Variants in ZNF346 observed in about 807,000 individuals in gnomAD.
ZNF346 encodes double-stranded RNA-binding zinc finger protein JAZ.
A neutral mutation model predicts 33.7 loss-of-function variants in ZNF346; 23 were observed. The ratio of observed to expected loss-of-function variants is 0.68; its 90% CI spans 0.49 to 0.97. The LOEUF (loss-of-function observed/expected upper bound fraction) is 0.97. ZNF346 is among the 50% of genes least tolerant of loss of function. ZNF346 has a pLI of 0.00. For missense variants in ZNF346, 340 were observed against 371.1 expected (o/e 0.92, Z 0.69); for synonymous variants, 134 against 142.4 (o/e 0.94, Z 0.42).
chr5:177,024,300 A>G (rs886760097), intron 1 of ZNF346, among the ~76,000 whole-genome samples: 1 of 147,220 alleles, frequency 6.8e-6, no homozygotes, highest in South Asian at 2.1e-4. Context: ...GGTTCAAGCA[A>G]TTCTATACTG....
downstream of ZNF346, among the ~76,000 whole-genome samples, chr5:177,071,968 G>T (rs1256633932): frequency 3.9e-5 from 6 of 152,118 alleles, no homozygotes; most frequent in Non-Finnish European, 7.3e-5. Context: ...ATATCAGAAC[G>T]CAGTTCTGTA....
intron 1 of ZNF346, among the ~76,000 whole-genome samples, chr5:177,040,071 C>T (rs1665011511): frequency 1.3e-5 from 2 of 151,754 alleles, no homozygotes; most frequent in Admixed American, 6.6e-5. Flanking sequence ...ATCCCAACTA[C>T]TCGGGAGGCT....
At chr5:177,060,261 G>A (rs758534864) in intron 5 of ZNF346, among the ~76,000 whole-genome samples, 1 of 152,206 alleles carries the variant, frequency 6.6e-6, no homozygotes. Context: ...GGCGGCTCAC[G>A]CCTATAATCC....
chr5:177,054,391 A>ATTTT (rs1562015799), intron 5 of ZNF346, among the ~76,000 whole-genome samples: 13 of 150,100 alleles, frequency 8.7e-5, no homozygotes, highest in African/African-American at 2.9e-4. Flanking sequence ...TTATTTATTT[A>ATTTT]TTTATTTTTT....
At chr5:177,045,518 C>T (rs1247892758) in intron 4 of ZNF346, among the ~76,000 whole-genome samples, 1 of 152,008 alleles carries the variant, frequency 6.6e-6, no homozygotes, top group East Asian at 1.9e-4. Flanking sequence ...CCATGCCCAG[C>T]TAATTTTTTT....
intron 1 of ZNF346, among the ~76,000 whole-genome samples, chr5:177,032,970 G>A (rs1345942260): frequency 6.6e-6 from 1 of 152,194 alleles, no homozygotes; most frequent in Non-Finnish European, 1.5e-5. Context: ...TAATAGGACC[G>A]TCTTGTTCAT....
intron 4 of ZNF346, among the ~76,000 whole-genome samples, chr5:177,047,134 C>T (rs559075056): frequency 3.8e-4 from 58 of 151,558 alleles, no homozygotes; most frequent in Admixed American, 5.9e-4. Flanking sequence ...CTGCAACCTC[C>T]GCCTCCTGGG....
intron 1 of ZNF346, among the ~76,000 whole-genome samples, chr5:177,038,847 C>CT (rs1244159355): frequency 6.7e-6 from 1 of 149,954 alleles, no homozygotes; most frequent in Non-Finnish European, 1.5e-5. Context: ...CTCTGACCCT[C>CT]TTTTTTTTCT....
At chr5:177,044,664 A>T (rs1314829957) in intron 4 of ZNF346, 131 bp downstream of exon 4, 1 of 961,048 alleles carries the variant, frequency 1.0e-6, no homozygotes, top group Non-Finnish European at 1.6e-6. Flanking sequence ...GAACCCTTAA[A>T]AATCTCCAAG....
chr5:177,046,717 A>C (rs2149650811), intron 4 of ZNF346, among the ~76,000 whole-genome samples: 2 of 152,320 alleles, frequency 1.3e-5, no homozygotes, highest in East Asian at 3.9e-4. Flanking sequence ...TGTTTCTCCT[A>C]TAATCTTATT....
intron 5 of ZNF346, among the ~76,000 whole-genome samples, chr5:177,061,545 C>T (rs1004456887): frequency 4.6e-5 from 7 of 152,234 alleles, no homozygotes; most frequent in African/African-American, 1.4e-4. Flanking sequence ...TCCTCCCTCA[C>T]TACCAGACCA....
At chr5:177,026,513 C>G (rs946463191) in intron 1 of ZNF346, among the ~76,000 whole-genome samples, 1 of 151,778 alleles carries the variant, frequency 6.6e-6, no homozygotes, top group Non-Finnish European at 1.5e-5. Context: ...GAGGGTGCTA[C>G]CACACCCAGC....
chr5:177,064,290 GTA>G (rs1375237743), intron 6 of ZNF346, among the ~76,000 whole-genome samples: 1 of 152,190 alleles, frequency 6.6e-6, no homozygotes, highest in Non-Finnish European at 1.5e-5. Context: ...TAGTTTCCTT[GTA>G]TGTAAAATGA....
chr5:177,033,514 T>C (rs965105846), intron 1 of ZNF346, among the ~76,000 whole-genome samples: 2 of 152,112 alleles, frequency 1.3e-5, no homozygotes, highest in Non-Finnish European at 2.9e-5. Flanking sequence ...TGTTTTGTTT[T>C]GTTTTGTTTT....
chr5:177,060,377 C>T lies in ZNF346; in HGVS notation c.704-1681C>T, dbSNP rs996182121. ...CTCTACTAAAACTACAAAAATTAGC[C>T]GGGCGTGGTGGTGCACGCCTGTAAT... On this transcript the variant is annotated intron_variant, in intron 5 of 6. Transcript: ENST00000358149. Among the ~76,000 whole-genome samples the T allele has an allele frequency of 3.5e-4, 53 of 151,368 alleles. 1 individual carries two copies. Among genetic ancestry groups the T allele is most frequent in the African/African-American group, 1.1e-3 (47 of 41,212 alleles).
intron 5 of ZNF346, among the ~76,000 whole-genome samples, chr5:177,053,973 G>A (rs1237162119): frequency 6.6e-6 from 1 of 152,100 alleles, no homozygotes; most frequent in Non-Finnish European, 1.5e-5. Flanking sequence ...ACAAAGGGAT[G>A]ATTGACATCC....
chr5:177,062,916 G>A (rs1782715443), intron 6 of ZNF346, among the ~76,000 whole-genome samples: 1 of 152,200 alleles, frequency 6.6e-6, no homozygotes, highest in Admixed American at 6.5e-5. Flanking sequence ...CTGGCTCACA[G>A]CATGCTCTTC....
intron 1 of ZNF346, among the ~76,000 whole-genome samples, chr5:177,024,417 C>T (rs1000797726): frequency 1.3e-5 from 2 of 152,000 alleles, no homozygotes; most frequent in Admixed American, 6.6e-5. Flanking sequence ...AGGCTGTTCT[C>T]GAACTCCTGA....
At chr5:177,037,441 A>G (rs762365130) in intron 1 of ZNF346, among the ~76,000 whole-genome samples, 2 of 151,956 alleles carry the variant, frequency 1.3e-5, no homozygotes, top group Admixed American at 6.6e-5. Context: ...CTGATAGACT[A>G]CTCACACTCA....
Sources: allele counts gnomAD v4.1 joint callset (sites outside exome capture counted in the v4.1 genomes callset), GRCh38; gene constraint gnomAD v4.1.1; transcripts MANE v1.5; gene names NCBI Gene and HGNC (gene_info 2026-07-23, HGNC 2026-07-21).